The following VAV3 variants were observed in gnomAD, a reference collection of about 807,000 sequenced individuals.
VAV3 encodes the protein guanine nucleotide exchange factor VAV3.
Under a neutral mutation model 131.2 loss-of-function variants are expected in VAV3, and 94 were observed. That is an observed-to-expected ratio of 0.72 (90% CI 0.61 to 0.85). The LOEUF (loss-of-function observed/expected upper bound fraction) is 0.85. Among genes scored for constraint, VAV3 ranks in the 40% least tolerant of loss-of-function variants. VAV3 has a pLI of 0.00. For synonymous variants in VAV3, 349 were observed against 342.0 expected, an observed-to-expected ratio of 1.02 and a Z score of -0.22; for missense variants, 939 against 1,002.7, an observed-to-expected ratio of 0.94 and a Z score of 0.86.
Position 107,888,392 on chromosome 1 carries a change from A to G in VAV3, c.205-13375T>C, listed in dbSNP as rs370430696. Among the ~76,000 whole-genome samples, 25 of 152,246 alleles carry G rather than the reference A, an allele frequency of 1.6e-4. 2 individuals are homozygous for G. The highest frequency in any genetic ancestry group is 5.8e-4 in the African/African-American group (24 of 41,552). ...TCCCCTCTTCCTTTCCCCAACTACA[A>G]AGGAGAACACCACTTTCTTTCTCAA... is the stretch of plus-strand genomic sequence containing the variant. On this transcript the variant is annotated intron_variant, in intron 1 of 26. Coordinates refer to ENST00000370056, the MANE Select transcript of VAV3 (RefSeq NM_006113.5).
intron 19 of VAV3, among the ~76,000 whole-genome samples, chr1:107,682,191 T>C (rs997757053): frequency 8.5e-5 from 13 of 152,132 alleles, no homozygotes; most frequent in Non-Finnish European, 1.6e-4. Context: ...CTAGAAAATT[T>C]TGGCTATAAA....
At chr1:107,937,336 A>G (rs1673771548) in intron 1 of VAV3, among the ~76,000 whole-genome samples, 1 of 152,226 alleles carries the variant, frequency 6.6e-6, no homozygotes, top group Non-Finnish European at 1.5e-5. Flanking sequence ...CCTTTGCACA[A>G]TGAATGTGGC....
At chr1:107,877,647 G>A (rs1180975607) in intron 1 of VAV3, among the ~76,000 whole-genome samples, 1 of 152,118 alleles carries the variant, frequency 6.6e-6, no homozygotes, top group East Asian at 1.9e-4. Context: ...GAATTTGAAA[G>A]TCACTTATAT....
chr1:107,669,378 A>G (rs1216595054), intron 19 of VAV3: 1 of 1,289,606 alleles, frequency 7.8e-7, no homozygotes, highest in African/African-American at 1.5e-5. Flanking sequence ...ATTTTCACCC[A>G]TGTCCTCAGA....
At chr1:107,892,330 C>A (rs139631733) in intron 1 of VAV3, among the ~76,000 whole-genome samples, 14 of 152,246 alleles carry the variant, frequency 9.2e-5, no homozygotes, top group Non-Finnish European at 1.6e-4. Context: ...GTGCCCATTA[C>A]GTACTAGGTA....
chr1:107,584,294 C>T (rs1157016038), intron 25 of VAV3, among the ~76,000 whole-genome samples: 9 of 152,244 alleles, frequency 5.9e-5, no homozygotes, highest in Admixed American at 5.9e-4. Flanking sequence ...AGACCTAAAA[C>T]CATAAAAGCC....
chr1:107,818,000 T>C (rs932480169), intron 2 of VAV3, among the ~76,000 whole-genome samples: 1 of 152,076 alleles, frequency 6.6e-6, no homozygotes, highest in East Asian at 1.9e-4. Context: ...ACAGAGGAAA[T>C]TAATTCGGAA....
intron 15 of VAV3, among the ~76,000 whole-genome samples, chr1:107,705,263 G>A (rs936162733): frequency 6.6e-6 from 1 of 151,088 alleles, no homozygotes; most frequent in African/African-American, 2.4e-5. Context: ...GTGGGAACAA[G>A]CAACCTGGAA....
intron 20 of VAV3, among the ~76,000 whole-genome samples, chr1:107,619,112 T>G (rs1035324315): frequency 2.0e-5 from 3 of 152,180 alleles, no homozygotes; most frequent in African/African-American, 7.2e-5. Flanking sequence ...GAAGATGATC[T>G]GTTTCTGAGT....
chr1:107,764,323 C>T (rs1183766009), intron 9 of VAV3, among the ~76,000 whole-genome samples: 1 of 151,934 alleles, frequency 6.6e-6, no homozygotes, highest in South Asian at 2.1e-4. Context: ...AACTCAAATG[C>T]GCCTCTTCAG....
At chr1:107,746,382 C>T (rs994912357) in intron 15 of VAV3, among the ~76,000 whole-genome samples, 2 of 152,146 alleles carry the variant, frequency 1.3e-5, no homozygotes, top group African/African-American at 4.8e-5. Context: ...TTCAACGGAA[C>T]TCTAAAACAA....
chr1:107,702,812 C>G (rs1660218257), intron 17 of VAV3, among the ~76,000 whole-genome samples: 1 of 144,626 alleles, frequency 6.9e-6, no homozygotes, highest in Non-Finnish European at 1.5e-5. Flanking sequence ...AAAAAAAAAA[C>G]CTGATTTTTC....
At chr1:107,926,187 TAGG>T (rs966009793) in intron 1 of VAV3, among the ~76,000 whole-genome samples, 3 of 151,698 alleles carry the variant, frequency 2.0e-5, no homozygotes, top group African/African-American at 7.3e-5. Flanking sequence ...GAGGCTGAGG[TAGG>T]AGAATGACTT....
chr1:107,844,297 T>A (rs566813581), intron 2 of VAV3, among the ~76,000 whole-genome samples: 9 of 152,118 alleles, frequency 5.9e-5, no homozygotes, highest in Non-Finnish European at 1.3e-4. Context: ...CCAGATACTA[T>A]GTTTTTCCCA....
intron 15 of VAV3, among the ~76,000 whole-genome samples, chr1:107,709,244 C>G (rs1660633010): frequency 6.6e-6 from 1 of 152,154 alleles, no homozygotes; most frequent in Non-Finnish European, 1.5e-5. Context: ...CTCCTTCTTA[C>G]CAGTCTCCTC....
intron 25 of VAV3, among the ~76,000 whole-genome samples, chr1:107,595,748 CA>C (rs1356122265): frequency 2.0e-5 from 3 of 151,694 alleles, no homozygotes; most frequent in Admixed American, 6.6e-5. Flanking sequence ...TACTAGCATC[CA>C]AAAAAACACA....
At chr1:107,646,218 A>G (rs1471395946) in intron 19 of VAV3, among the ~76,000 whole-genome samples, 1 of 152,096 alleles carries the variant, frequency 6.6e-6, no homozygotes, top group Non-Finnish European at 1.5e-5. Context: ...GGAAACAGAC[A>G]GTCATATTCC....
intron 2 of VAV3, among the ~76,000 whole-genome samples, chr1:107,823,213 G>T (rs996373234): frequency 6.6e-6 from 1 of 152,210 alleles, no homozygotes; most frequent in African/African-American, 2.4e-5. Flanking sequence ...TGACAGACAT[G>T]AGGGAATCAA....
At chr1:107,773,575 G>A (rs918899862) in intron 4 of VAV3, among the ~76,000 whole-genome samples, 1 of 152,126 alleles carries the variant, frequency 6.6e-6, no homozygotes, top group Non-Finnish European at 1.5e-5. Flanking sequence ...GATGAGGAGA[G>A]GAACAGACAG....
Sources: gnomAD v4.1 joint callset for allele counts (sites outside exome capture counted in the v4.1 genomes callset) on GRCh38, gnomAD v4.1.1 for gene constraint, MANE v1.5 for transcripts, NCBI Gene and HGNC (gene_info 2026-07-23, HGNC 2026-07-21) for gene names.